The following TRAPPC8 variants were observed in gnomAD, a reference collection of about 807,000 sequenced individuals.
TRAPPC8 encodes the protein general sporulation gene 1 homolog.
Under a neutral mutation model 174.3 loss-of-function variants are expected in TRAPPC8, and 54 were observed. The observed-to-expected ratio is 0.31, with a 90% CI of 0.25 to 0.39. The LOEUF (loss-of-function observed/expected upper bound fraction) is 0.39, where lower values mean the gene tolerates loss of function less well. Among genes scored for constraint, TRAPPC8 ranks in the 10% least tolerant of loss-of-function variants. The pLI is 1.00. For synonymous variants in TRAPPC8, 630 were observed against 579.9 expected, an observed-to-expected ratio of 1.09 and a Z score of -1.24; for missense variants, 1,531 against 1,699.1, an observed-to-expected ratio of 0.90 and a Z score of 1.74.
At chr18:31,918,739 T>C (rs1347158044) in intron 2 of TRAPPC8, among the ~76,000 whole-genome samples, 1 of 152,246 alleles carries the variant, frequency 6.6e-6, no homozygotes, top group Non-Finnish European at 1.5e-5. Context: ...TGTATTTTCA[T>C]TGTTTGTATA....
chr18:31,835,907 C>G (rs1018509348), intron 27 of TRAPPC8, among the ~76,000 whole-genome samples: 2 of 152,244 alleles, frequency 1.3e-5, no homozygotes, highest in Non-Finnish European at 2.9e-5. Context: ...AGCAGCTGCT[C>G]CTTTGGACTG....
Position 31,867,726 on chromosome 18 carries a change from C to T in TRAPPC8, c.2389-250G>A, listed in dbSNP as rs778446140. ...AATTCAACTGAGAAGGATAAGCAAT[C>T]GATTCAAAGATGCCACTATCCACAT... is the stretch of plus-strand genomic sequence containing the variant. On this transcript the variant is annotated intron_variant, in intron 16 of 28. Coordinates refer to ENST00000283351, the MANE Select transcript of TRAPPC8 (RefSeq NM_014939.5). Among the ~76,000 whole-genome samples, 10 of 151,852 alleles carry T rather than the reference C, an allele frequency of 6.6e-5. 1 individual carries two copies. The highest frequency in any genetic ancestry group is 1.5e-5 in the Non-Finnish European group (1 of 67,964).
chr18:31,921,732 A>C (rs2037397585), intron 2 of TRAPPC8, among the ~76,000 whole-genome samples: 4 of 152,042 alleles, frequency 2.6e-5, no homozygotes, highest in Admixed American at 2.6e-4. Flanking sequence ...TTCTCATCTC[A>C]CCTTCTGGAA....
rs985836959 is a variant in TRAPPC8, at chr18:31,921,194, C to T, written c.353-3527G>A. Among the ~76,000 whole-genome samples, 3 of 152,082 alleles carry T rather than the reference C, an allele frequency of 2.0e-5. No individual in the cohort carries two copies. The South Asian group carries it at 6.2e-4, about 32-fold the overall frequency. On this transcript the variant is annotated intron_variant, in intron 2 of 28. Transcript: ENST00000283351. ...AAAAAGGAAAATATGAAGAGCCATA[C>T]CTATATTTGCTTATAGTTTCAAAGA...
At chr18:31,917,914 A>G (rs563457216) in intron 2 of TRAPPC8, among the ~76,000 whole-genome samples, 1 of 152,268 alleles carries the variant, frequency 6.6e-6, no homozygotes, top group East Asian at 1.9e-4. Context: ...ACATGAGGTC[A>G]GGAGTTCGAG....
At chr18:31,902,301 G>T (rs997226552) in intron 9 of TRAPPC8, among the ~76,000 whole-genome samples, 1 of 152,076 alleles carries the variant, frequency 6.6e-6, no homozygotes, top group Non-Finnish European at 1.5e-5. Context: ...ACTGCACTCT[G>T]GCCTGGGCAA....
At chr18:31,928,611 T>C (rs2037725307) in intron 2 of TRAPPC8, among the ~76,000 whole-genome samples, 1 of 152,190 alleles carries the variant, frequency 6.6e-6, no homozygotes, top group South Asian at 2.1e-4. Flanking sequence ...TCCCTCTCTG[T>C]GCCCCTTTAG....
chr18:31,833,111 T>C (rs1426437537), intron 27 of TRAPPC8, among the ~76,000 whole-genome samples: 1 of 152,144 alleles, frequency 6.6e-6, no homozygotes, highest in Non-Finnish European at 1.5e-5. Context: ...CACAAACTTC[T>C]CATGTGGCAA....
At chr18:31,917,433 T>C (rs969393178) in intron 3 of TRAPPC8, 145 bp downstream of exon 3, 2 of 684,390 alleles carry the variant, frequency 2.9e-6, no homozygotes, top group African/African-American at 1.9e-5. Flanking sequence ...TTTAACAAAA[T>C]AACAAGACTC....
At chr18:31,873,008 T>C (rs937652451) in intron 14 of TRAPPC8, among the ~76,000 whole-genome samples, 7 of 50,544 alleles carry the variant, frequency 1.4e-4, no homozygotes, top group Non-Finnish European at 2.6e-4. Context: ...TTCATTTTCC[T>C]TTTTTTTTTT....
intron 27 of TRAPPC8, among the ~76,000 whole-genome samples, chr18:31,834,017 A>AC (rs1436244940): frequency 6.6e-6 from 1 of 151,042 alleles, no homozygotes. Flanking sequence ...AAAAAAACAA[A>AC]AAACAGAAAT....
At position 31,853,854 on chromosome 18, in the gene TRAPPC8, T is replaced by A; in HGVS notation, c.3428A>T (p.Asn1143Ile). ...AGCAGGAAAAACAAACAAACCTTTG[T>A]TTTCAGAAAGATTTACAGATTTCTG... ...KLQKSVNLSENKDTKLASREK... is the reference protein window; with the variant it reads ...KLQKSVNLSEIKDTKLASREK... Residue 1143 changes from asparagine (N) to isoleucine (I), a missense_variant, in exon 22 of 29, where the codon AAC (asparagine) becomes ATC (isoleucine). Transcript: ENST00000283351. 6.2e-7 allele frequency: 1 copy of A among 1,604,126 alleles called. No individual in the cohort carries two copies. Among genetic ancestry groups the A allele is most frequent in the Non-Finnish European group, 8.5e-7 (1 of 1,177,720 alleles).
Position 31,857,775 on chromosome 18 carries a change from C to G in TRAPPC8, c.2953G>C (p.Val985Leu). 6.2e-7 allele frequency: 1 copy of G among 1,614,166 alleles called. No individual in the cohort carries two copies. The highest frequency in any genetic ancestry group is 1.3e-5 in the African/African-American group (1 of 75,038). Reference protein sequence around the residue: ...SENCSAYKTVVTDATSVCTAL... With the variant: ...SENCSAYKTVLTDATSVCTAL... ...GTACACACAGAGGTAGCATCTGTCA[C>G]AACAGTCTTGTAAGCACTACAATTC... Residue 985 changes from valine to leucine, a missense_variant, in exon 20 of 29, where the codon GTG (valine) becomes CTG (leucine). Physicochemically the swap from Val to Leu is conservative, Grantham distance 32 (BLOSUM62 1). Coordinates refer to ENST00000283351, the MANE Select transcript of TRAPPC8 (RefSeq NM_014939.5).
intron 2 of TRAPPC8, among the ~76,000 whole-genome samples, chr18:31,928,054 G>A (rs1030091138): frequency 6.7e-6 from 1 of 148,438 alleles, no homozygotes; most frequent in Admixed American, 6.7e-5. Flanking sequence ...AACTCAGGAG[G>A]CTGGGGCAGA....
chr18:31,879,693 C>T (rs2035323755), intron 12 of TRAPPC8, among the ~76,000 whole-genome samples: 1 of 151,796 alleles, frequency 6.6e-6, no homozygotes, highest in South Asian at 2.1e-4. Context: ...TATTTGAAAA[C>T]ACAAACAAAA....
Position 31,852,468 on chromosome 18 carries a change from T to C in TRAPPC8, c.3539A>G (p.Asp1180Gly), listed in dbSNP as rs1419981062. 4 of 1,614,046 alleles carry C rather than the reference T, an allele frequency of 2.5e-6. No individual in the cohort carries two copies. Among genetic ancestry groups the C allele is most frequent in the African/African-American group, 2.7e-5 (2 of 74,936 alleles). Residue 1180 changes from aspartate (D) to glycine (G), a missense_variant, in exon 24 of 29, where the codon GAT becomes GGT. Coordinates refer to ENST00000283351, the MANE Select transcript of TRAPPC8 (RefSeq NM_014939.5). ...TQSSEKYTFA[D>G]IIFGNEQIIS... ...TACCTGTTCATTTCCAAAGATGATA[T>C]CTGCAAAGGTATATTTTTCAGAGGA...
chr18:31,867,067 C>A, intron 17 of TRAPPC8, 92 bp from the exon 18 acceptor site: 1 of 1,351,220 alleles, frequency 7.4e-7, no homozygotes. Context: ...AACATAAACT[C>A]ATGACCTAAA....
intron 24 of TRAPPC8, among the ~76,000 whole-genome samples, chr18:31,851,339 G>A (rs370696508): frequency 6.6e-6 from 1 of 152,056 alleles, no homozygotes; most frequent in Non-Finnish European, 1.5e-5. Flanking sequence ...CAAAATCTAG[G>A]TCCAATTATG....
chr18:31,918,791 T>C (rs1194437881), intron 2 of TRAPPC8, among the ~76,000 whole-genome samples: 1 of 152,218 alleles, frequency 6.6e-6, no homozygotes, highest in Non-Finnish European at 1.5e-5. Context: ...CTCTCTCTTG[T>C]TCCACATCAA....
Sources: allele counts gnomAD v4.1 joint callset (sites outside exome capture counted in the v4.1 genomes callset), GRCh38; gene constraint gnomAD v4.1.1; transcripts MANE v1.5; gene names NCBI Gene and HGNC (gene_info 2026-07-23, HGNC 2026-07-21).